The following LRRTM4 variants were observed in gnomAD, a reference collection of about 807,000 sequenced individuals.
LRRTM4 encodes leucine-rich repeat transmembrane neuronal protein 4.
In LRRTM4, 25 loss-of-function variants were observed where a neutral mutation model predicts 47.6. That is an observed-to-expected ratio of 0.53 (90% CI 0.38 to 0.73). LRRTM4 has a LOEUF of 0.73. Ranked by LOEUF, LRRTM4 falls within the 30% of genes least tolerant of loss-of-function variation. The probability of loss-of-function intolerance (pLI) is 0.00; values close to 1 mark genes in which losing one functional copy is unlikely to be tolerated. For missense variants in LRRTM4, 638 were observed against 713.4 expected (o/e 0.89, Z 1.20); for synonymous variants, 311 against 269.5 (o/e 1.15, Z -1.51).
At chr2:77,026,652 TTTA>T (rs1350528728) in intron 3 of LRRTM4, among the ~76,000 whole-genome samples, 5 of 152,054 alleles carry the variant, frequency 3.3e-5, no homozygotes, top group African/African-American at 1.2e-4. Context: ...TGAAAAGCTG[TTTA>T]TTGTCATAGA....
At chr2:77,023,051 T>G (rs1678330314) in intron 3 of LRRTM4, among the ~76,000 whole-genome samples, 1 of 152,240 alleles carries the variant, frequency 6.6e-6, no homozygotes, top group South Asian at 2.1e-4. Flanking sequence ...TCCATACATC[T>G]TCTGAAATCT....
chr2:76,769,696 G>A (rs1002628012), intron 3 of LRRTM4, among the ~76,000 whole-genome samples: 1 of 151,844 alleles, frequency 6.6e-6, no homozygotes, highest in Admixed American at 6.6e-5. Context: ...AATTCGTATC[G>A]GCATTTTAAC....
At chr2:76,750,162 C>T (rs1427291251) in intron 3 of LRRTM4, among the ~76,000 whole-genome samples, 1 of 152,230 alleles carries the variant, frequency 6.6e-6, no homozygotes, top group African/African-American at 2.4e-5. Context: ...GGCATGTCTT[C>T]ATTCTGGCTA....
chr2:77,189,770 T>TAC (rs200696971), intron 3 of LRRTM4, among the ~76,000 whole-genome samples: 41 of 151,578 alleles, frequency 2.7e-4, no homozygotes, highest in East Asian at 5.8e-4. Context: ...TATATACATA[T>TAC]ACACACACAC....
chr2:76,766,671 G>A (rs996583639), intron 3 of LRRTM4, among the ~76,000 whole-genome samples: 24 of 152,150 alleles, frequency 1.6e-4, no homozygotes, highest in African/African-American at 4.8e-4. Flanking sequence ...AATCATTCCT[G>A]CCTTGCTACA....
intron 3 of LRRTM4, among the ~76,000 whole-genome samples, chr2:76,975,642 G>C (rs1428187522): frequency 6.6e-6 from 1 of 151,612 alleles, no homozygotes; most frequent in Non-Finnish European, 1.5e-5. Context: ...TGAAGCCAAG[G>C]TTAGAAGTTA....
chr2:77,518,062 A>G (rs538493879), intron 3 of LRRTM4: 68 of 1,212,958 alleles, frequency 5.6e-5, no homozygotes, highest in Middle Eastern at 6.5e-4. Context: ...GTTAAAAAGC[A>G]GATGTTTTAA....
At chr2:76,857,222 A>G (rs908439670) in intron 3 of LRRTM4, among the ~76,000 whole-genome samples, 1 of 150,908 alleles carries the variant, frequency 6.6e-6, no homozygotes, top group African/African-American at 2.4e-5. Context: ...TGCTTAATGG[A>G]TAATAAAGAT....
chr2:77,125,986 A>G (rs72807276), intron 3 of LRRTM4, among the ~76,000 whole-genome samples: 5,466 of 151,188 alleles, frequency 0.036, 135 homozygotes, highest in Middle Eastern at 0.063. Context: ...TACTAGACTG[A>G]CCATACATAT....
intron 3 of LRRTM4, among the ~76,000 whole-genome samples, chr2:76,854,497 C>G (rs756271049): frequency 1.3e-5 from 2 of 152,062 alleles, no homozygotes; most frequent in African/African-American, 2.4e-5. Flanking sequence ...AACCTGAGTT[C>G]TGAGGTGTGA....
At chr2:77,514,224 T>C (rs748920475) in intron 3 of LRRTM4, among the ~76,000 whole-genome samples, 1 of 152,044 alleles carries the variant, frequency 6.6e-6, no homozygotes, top group Non-Finnish European at 1.5e-5. Context: ...TAGCTGTATG[T>C]CGATAAACTG....
At chr2:77,426,281 C>A (rs1484930535) in intron 3 of LRRTM4, among the ~76,000 whole-genome samples, 1 of 152,124 alleles carries the variant, frequency 6.6e-6, no homozygotes, top group African/African-American at 2.4e-5. Context: ...GTGATTTAAC[C>A]TTTTCCCTTA....
At chr2:77,198,652 A>G (rs1000242942) in intron 3 of LRRTM4, among the ~76,000 whole-genome samples, 1 of 152,182 alleles carries the variant, frequency 6.6e-6, no homozygotes, top group Admixed American at 6.5e-5. Context: ...ACTTGCTTTT[A>G]AGAATAATAT....
intron 3 of LRRTM4, among the ~76,000 whole-genome samples, chr2:77,141,230 C>A (rs1312072105): frequency 6.6e-6 from 1 of 152,114 alleles, no homozygotes; most frequent in African/African-American, 2.4e-5. Flanking sequence ...CCCAAATGTC[C>A]ATCAGTGATA....
rs185277926 is a variant in LRRTM4, at chr2:77,417,934, C to A, written c.1551+100384G>T. 3.2e-4 allele frequency among the ~76,000 whole-genome samples: 48 copies of A among 152,208 alleles called. No homozygotes were observed. The East Asian group carries it at 8.9e-3, about 28-fold the overall frequency. ...AATAAAAAAAGAAAAATATACCACTCTATCTACTGTTTGAATAATAATAGT... is the reference window on the plus strand; with the variant it reads ...AATAAAAAAAGAAAAATATACCACTATATCTACTGTTTGAATAATAATAGT... On this transcript the variant is annotated intron_variant, in intron 3 of 3. Transcript: ENST00000409884.
At chr2:77,284,340 C>T (rs1010781515) in intron 3 of LRRTM4, among the ~76,000 whole-genome samples, 16 of 152,096 alleles carry the variant, frequency 1.1e-4, no homozygotes, top group African/African-American at 3.9e-4. Flanking sequence ...GATAATAACA[C>T]ATTCTATTAA....
At chr2:76,929,541 G>T (rs557074076) in intron 3 of LRRTM4, among the ~76,000 whole-genome samples, 12 of 151,938 alleles carry the variant, frequency 7.9e-5, no homozygotes, top group African/African-American at 2.9e-4. Context: ...TTTTAACTTC[G>T]GTTTTCTTCT....
chr2:76,834,410 G>A (rs1671450866), intron 3 of LRRTM4, among the ~76,000 whole-genome samples: 1 of 151,846 alleles, frequency 6.6e-6, no homozygotes, highest in Non-Finnish European at 1.5e-5. Context: ...ACTCTAAAGA[G>A]GAGATTTCAA....
intron 3 of LRRTM4, among the ~76,000 whole-genome samples, chr2:77,407,450 G>T (rs771280277): frequency 1.3e-5 from 2 of 150,872 alleles, no homozygotes; most frequent in Admixed American, 1.3e-4. Flanking sequence ...AGTTTTGAGC[G>T]CAGGTTTTGT....
Sources: allele counts gnomAD v4.1 joint callset (sites outside exome capture counted in the v4.1 genomes callset), GRCh38; gene constraint gnomAD v4.1.1; transcripts MANE v1.5; gene names NCBI Gene and HGNC (gene_info 2026-07-23, HGNC 2026-07-21).